Variants in NRXN3 observed in about 807,000 individuals in gnomAD.
The protein encoded by NRXN3 is neurexin 3.
A neutral mutation model predicts 137.6 loss-of-function variants in NRXN3; 32 were observed. The observed-to-expected ratio is 0.23, with a 90% CI of 0.18 to 0.31. The LOEUF (loss-of-function observed/expected upper bound fraction) is 0.31, where lower values mean the gene tolerates loss of function less well. Ranked by LOEUF, NRXN3 falls within the 10% of genes least tolerant of loss-of-function variation. The pLI is 1.00. For synonymous variants in NRXN3, 798 were observed against 784.5 expected (o/e 1.02, Z -0.29); for missense variants, 1,574 against 2,062.5 (o/e 0.76, Z 4.59).
chr14:79,380,082 T>C (rs945891837), intron 15 of NRXN3, among the ~76,000 whole-genome samples: 1 of 151,270 alleles, frequency 6.6e-6, no homozygotes, highest in Non-Finnish European at 1.5e-5. Flanking sequence ...TGAGTTCACC[T>C]GTGAAGCATC....
intron 20 of NRXN3, among the ~76,000 whole-genome samples, chr14:79,824,263 T>C (rs1297934875): frequency 1.3e-5 from 2 of 152,232 alleles, no homozygotes; most frequent in South Asian, 2.1e-4. Flanking sequence ...TGCAGATTAA[T>C]TGAGACTCTC....
chr14:78,463,906 G>T (rs988412488), intron 4 of NRXN3, among the ~76,000 whole-genome samples: 10 of 151,628 alleles, frequency 6.6e-5, no homozygotes, highest in African/African-American at 2.4e-4. Flanking sequence ...AAACACAGTT[G>T]TTCAGTATTG....
intron 6 of NRXN3, among the ~76,000 whole-genome samples, chr14:78,688,128 T>A (rs2098139202): frequency 6.6e-6 from 1 of 152,126 alleles, no homozygotes; most frequent in East Asian, 1.9e-4. Context: ...AGAAATAAAT[T>A]TGAGCATCCA....
At chr14:78,441,167 G>A (rs1256153363) in intron 4 of NRXN3, among the ~76,000 whole-genome samples, 4 of 152,238 alleles carry the variant, frequency 2.6e-5, no homozygotes, top group African/African-American at 9.6e-5. Flanking sequence ...CAGTGGAGTG[G>A]AATCATCCCC....
chr14:79,699,016 C>T (rs2098745011), intron 19 of NRXN3, among the ~76,000 whole-genome samples: 1 of 151,894 alleles, frequency 6.6e-6, no homozygotes, highest in South Asian at 2.1e-4. Flanking sequence ...TTTCCTTGAG[C>T]AGAAGTATCC....
intron 2 of NRXN3, among the ~76,000 whole-genome samples, chr14:78,260,827 A>G (rs1454387350): frequency 6.6e-6 from 1 of 152,208 alleles, no homozygotes; most frequent in Non-Finnish European, 1.5e-5. Flanking sequence ...GTATGTCTTT[A>G]TCAGCAGCTT....
At chr14:78,874,079 C>T (rs1290275526) in intron 10 of NRXN3, among the ~76,000 whole-genome samples, 1 of 151,054 alleles carries the variant, frequency 6.6e-6, no homozygotes, top group Non-Finnish European at 1.5e-5. Context: ...TCAAGTGGTT[C>T]TCCTGCCTCA....
intron 17 of NRXN3, among the ~76,000 whole-genome samples, chr14:79,673,504 TC>T (rs1288409374): frequency 2.0e-5 from 3 of 152,120 alleles, no homozygotes; most frequent in African/African-American, 7.2e-5. Flanking sequence ...TATTGCACTT[TC>T]AAACAGCAGA....
intron 4 of NRXN3, among the ~76,000 whole-genome samples, chr14:78,489,601 C>T (rs2095627225): frequency 6.6e-6 from 1 of 152,152 alleles, no homozygotes; most frequent in Admixed American, 6.5e-5. Context: ...GAAGTCAAAA[C>T]TCAAGCTAAG....
chr14:78,430,476 T>C (rs2093835690), intron 4 of NRXN3, among the ~76,000 whole-genome samples: 1 of 152,220 alleles, frequency 6.6e-6, no homozygotes, highest in African/African-American at 2.4e-5. Context: ...GTGACTTTCA[T>C]AAAAGCAGAC....
chr14:78,193,834 G>A (rs2060974178), intron 1 of NRXN3, among the ~76,000 whole-genome samples: 1 of 151,390 alleles, frequency 6.6e-6, no homozygotes, highest in African/African-American at 2.4e-5. Flanking sequence ...GCATCTGGCA[G>A]CCCCTGCCCT....
At chr14:79,111,933 T>C (rs8019843) in intron 15 of NRXN3, among the ~76,000 whole-genome samples, 287 of 152,246 alleles carry the variant, frequency 1.9e-3, no homozygotes, top group Non-Finnish European at 3.3e-3. Flanking sequence ...CAACCTGTTA[T>C]CCATAATAGG....
At chr14:78,556,296 A>C (rs143083450) in intron 4 of NRXN3, among the ~76,000 whole-genome samples, 105 of 152,322 alleles carry the variant, frequency 6.9e-4, no homozygotes, top group African/African-American at 2.5e-3. Flanking sequence ...GCTCTTTGTT[A>C]AATAATACTG....
At chr14:78,969,081 A>G (rs1227701549) in intron 14 of NRXN3, among the ~76,000 whole-genome samples, 4 of 152,222 alleles carry the variant, frequency 2.6e-5, no homozygotes, top group Admixed American at 1.3e-4. Flanking sequence ...TCAGAAATAC[A>G]CATAAAATGC....
intron 16 of NRXN3, among the ~76,000 whole-genome samples, chr14:79,565,624 G>A (rs960782122): frequency 1.3e-5 from 2 of 151,782 alleles, no homozygotes; most frequent in Non-Finnish European, 2.9e-5. Context: ...TTACCAATAG[G>A]CAGAAAAAGA....
intron 15 of NRXN3, among the ~76,000 whole-genome samples, chr14:79,025,232 C>A (rs1000549124): frequency 6.6e-6 from 1 of 152,068 alleles, no homozygotes; most frequent in East Asian, 1.9e-4. Context: ...TTCTGTTGGT[C>A]CTCCAGACTC....
At chr14:79,330,788 T>G (rs1185010968) in intron 15 of NRXN3, among the ~76,000 whole-genome samples, 2 of 152,224 alleles carry the variant, frequency 1.3e-5, no homozygotes, top group Non-Finnish European at 2.9e-5. Flanking sequence ...TCAAATTAAG[T>G]AGATATTTCA....
intron 1 of NRXN3, among the ~76,000 whole-genome samples, chr14:78,228,848 T>G (rs916608267): frequency 3.9e-5 from 6 of 152,186 alleles, no homozygotes; most frequent in African/African-American, 1.4e-4. Flanking sequence ...AGCAACTCCC[T>G]TTCATGCGGA....
intron 4 of NRXN3, among the ~76,000 whole-genome samples, chr14:78,344,396 GACA>G (rs1483373386): frequency 6.6e-6 from 1 of 152,300 alleles, no homozygotes; most frequent in African/African-American, 2.4e-5. Context: ...TCTCTCACAT[GACA>G]ACATTTCCTA....
Sources: gnomAD v4.1 joint callset for allele counts (sites outside exome capture counted in the v4.1 genomes callset) on GRCh38, gnomAD v4.1.1 for gene constraint, MANE v1.5 for transcripts, NCBI Gene and HGNC (gene_info 2026-07-23, HGNC 2026-07-21) for gene names.